PHLPP1: variants seen among roughly 807,000 people sequenced by gnomAD.
PHLPP1 encodes the protein PH domain and leucine rich repeat protein phosphatase 1, also known as PH domain leucine-rich repeat-containing protein phosphatase 1.
PHLPP1 carries 42 observed loss-of-function variants against 117.2 expected under a neutral mutation model. The observed-to-expected ratio is 0.36, with a 90% CI of 0.28 to 0.46. The LOEUF (loss-of-function observed/expected upper bound fraction) is 0.46. Among genes scored for constraint, PHLPP1 ranks in the 20% least tolerant of loss-of-function variants. PHLPP1 has a pLI of 1.00. For synonymous variants in PHLPP1, 1,042 were observed against 970.7 expected (o/e 1.07, Z -1.37); for missense variants, 2,084 against 2,241.9 (o/e 0.93, Z 1.42).
At chr18:62,726,001 G>C (rs1050035591) in intron 1 of PHLPP1, among the ~76,000 whole-genome samples, 2 of 152,090 alleles carry the variant, frequency 1.3e-5, no homozygotes, top group Non-Finnish European at 2.9e-5. Flanking sequence ...GGTATGGCTG[G>C]GGTGCAGCTG....
intron 1 of PHLPP1, among the ~76,000 whole-genome samples, chr18:62,770,619 G>C (rs1912730261): frequency 6.6e-6 from 1 of 152,104 alleles, no homozygotes; most frequent in Admixed American, 6.5e-5. Flanking sequence ...TCTTGAATTT[G>C]AGAAAATCCA....
intron 3 of PHLPP1, among the ~76,000 whole-genome samples, chr18:62,858,901 C>T (rs940609965): frequency 3.9e-5 from 6 of 152,124 alleles, no homozygotes; most frequent in Non-Finnish European, 8.8e-5. Context: ...CTGTGCCAGG[C>T]ATGTAGAAGT....
intron 1 of PHLPP1, among the ~76,000 whole-genome samples, chr18:62,756,275 G>A (rs1912014657): frequency 6.6e-6 from 1 of 152,198 alleles, no homozygotes; most frequent in Admixed American, 6.5e-5. Flanking sequence ...GGAAAAGAAA[G>A]TTCTAGAGGG....
At chr18:62,948,005 A>G (rs1242483442) in intron 12 of PHLPP1, among the ~76,000 whole-genome samples, 1 of 151,982 alleles carries the variant, frequency 6.6e-6, no homozygotes, top group African/African-American at 2.4e-5. Flanking sequence ...AGCCTGGGCA[A>G]CAAGAGCAAA....
chr18:62,874,691 A>ACACT (rs1491251018), intron 4 of PHLPP1, among the ~76,000 whole-genome samples: 2 of 127,434 alleles, frequency 1.6e-5, no homozygotes, highest in East Asian at 5.1e-4. Flanking sequence ...ACACACACAC[A>ACACT]CTCTCGCTCT....
chr18:62,943,733 G>A (rs1037029240), intron 11 of PHLPP1, among the ~76,000 whole-genome samples: 2 of 152,200 alleles, frequency 1.3e-5, no homozygotes, highest in East Asian at 1.9e-4. Context: ...ACCTCCCACC[G>A]GGCCCCACCT....
intron 1 of PHLPP1, among the ~76,000 whole-genome samples, chr18:62,794,656 T>A: frequency 6.6e-6 from 1 of 152,208 alleles, no homozygotes. Flanking sequence ...ATTACAGGCA[T>A]GAGCTATGGT....
At chr18:62,932,978 T>C (rs1370491640) in intron 10 of PHLPP1, among the ~76,000 whole-genome samples, 1 of 152,106 alleles carries the variant, frequency 6.6e-6, no homozygotes, top group Non-Finnish European at 1.5e-5. Context: ...ACTTTCAAGC[T>C]GAGAACCAAA....
At chr18:62,729,695 A>G (rs143362006) in intron 1 of PHLPP1, among the ~76,000 whole-genome samples, 5 of 152,276 alleles carry the variant, frequency 3.3e-5, no homozygotes, top group African/African-American at 1.2e-4. Flanking sequence ...CCTAAATGAA[A>G]TGAAACTGTG....
chr18:62,716,373 G>A lies in PHLPP1; in HGVS notation c.690G>A (p.Val230=). 6.8e-7 allele frequency: 1 copy of A among 1,473,602 alleles called. No individual in the cohort carries two copies. Among genetic ancestry groups the A allele is most frequent in the Non-Finnish European group, 8.9e-7 (1 of 1,117,348 alleles). 91.3% of individuals were successfully genotyped at this position (1,473,602 alleles called of 1,614,324 possible). ...CACTGGACACCACGGCCGGCGAGGT[G>A]GCCGCCCGCCTGCTGCAGCTGGGCC... The part of the protein sequence containing the change: ...LCTLDTTAGE[V]AARLLQLGHK... Residue 230 remains valine, a synonymous_variant, in exon 1 of 17, where the codon GTG becomes GTA. Coordinates refer to ENST00000262719, the MANE Select transcript of PHLPP1 (RefSeq NM_194449.4). This position sits in a 1 kb window ranked among gnomAD's most constrained non-coding sequence, Gnocchi z 5.7.
intron 1 of PHLPP1, among the ~76,000 whole-genome samples, chr18:62,732,924 T>C (rs544098599): frequency 6.6e-6 from 1 of 152,344 alleles, no homozygotes; most frequent in East Asian, 1.9e-4. Flanking sequence ...TGCAATCTCA[T>C]GATGAAACTT....
At chr18:62,933,163 A>G (rs1254800535) in intron 10 of PHLPP1, among the ~76,000 whole-genome samples, 1 of 152,240 alleles carries the variant, frequency 6.6e-6, no homozygotes, top group Non-Finnish European at 1.5e-5. Flanking sequence ...TGGAAGAATC[A>G]GTATCATTTA....
At position 62,958,318 on chromosome 18, in the gene PHLPP1, G is replaced by T. The variant is rs562578211; in HGVS notation, c.3325-311G>T. On this transcript the variant is annotated intron_variant, in intron 12 of 16. Coordinates refer to ENST00000262719, the MANE Select transcript of PHLPP1 (RefSeq NM_194449.4). ...GGCACGGAGATTTTGTGAGCAATAAGAAAATCTATTAGGATTTTTTAGTTA... is the reference window on the plus strand; with the variant it reads ...GGCACGGAGATTTTGTGAGCAATAATAAAATCTATTAGGATTTTTTAGTTA... 1.1e-4 allele frequency among the ~76,000 whole-genome samples: 17 copies of T among 152,312 alleles called. No individual in the cohort carries two copies. In the South Asian group the frequency reaches 3.3e-3, roughly 30 times the overall value.
intron 1 of PHLPP1, among the ~76,000 whole-genome samples, chr18:62,791,181 A>T (rs17070344): frequency 6.6e-6 from 1 of 152,048 alleles, no homozygotes; most frequent in Non-Finnish European, 1.5e-5. Flanking sequence ...GTTTTTAAAA[A>T]ATTTTGTGGG....
At chr18:62,788,037 A>T (rs1030670679) in intron 1 of PHLPP1, among the ~76,000 whole-genome samples, 6 of 152,228 alleles carry the variant, frequency 3.9e-5, no homozygotes, top group Non-Finnish European at 8.8e-5. Flanking sequence ...TGTCATAAAC[A>T]TTTCATGTCT....
chr18:62,935,857 AG>A (rs1909952976), intron 10 of PHLPP1, among the ~76,000 whole-genome samples: 1 of 152,078 alleles, frequency 6.6e-6, no homozygotes, highest in South Asian at 2.1e-4. Flanking sequence ...TACAAAAATT[AG>A]CCGGGCTGGT....
intron 3 of PHLPP1, among the ~76,000 whole-genome samples, chr18:62,857,582 A>G (rs1473228875): frequency 6.6e-6 from 1 of 152,148 alleles, no homozygotes; most frequent in Non-Finnish European, 1.5e-5. Context: ...CTTTGTTTGC[A>G]GTTCCCCTTA....
intron 12 of PHLPP1, among the ~76,000 whole-genome samples, chr18:62,951,368 T>C (rs1001798120): frequency 6.6e-6 from 1 of 152,222 alleles, no homozygotes; most frequent in African/African-American, 2.4e-5. Context: ...TCTAACAAAA[T>C]ATTGCATACA....
chr18:62,974,186 G>A (rs1911127560), intron 15 of PHLPP1, among the ~76,000 whole-genome samples: 1 of 152,192 alleles, frequency 6.6e-6, no homozygotes, highest in African/African-American at 2.4e-5. Flanking sequence ...GCCTGTGAAA[G>A]GGAGAAAGTA....
Sources: gnomAD v4.1 joint callset for allele counts (sites outside exome capture counted in the v4.1 genomes callset) on GRCh38, gnomAD v4.1.1 for gene constraint, Gnocchi (gnomAD v3.1) non-coding constraint, MANE v1.5 for transcripts, NCBI Gene and HGNC (gene_info 2026-07-23, HGNC 2026-07-21) for gene names.